The following SLC2A5 variants were observed in gnomAD, a reference collection of about 807,000 sequenced individuals.
SLC2A5 encodes the protein solute carrier family 2 member 5.
Under a neutral mutation model 50.3 loss-of-function variants are expected in SLC2A5, and 56 were observed. That is an observed-to-expected ratio of 1.11 (90% CI 0.90 to 1.39). The LOEUF is 1.39. SLC2A5 is among the 40% of genes most tolerant of loss of function. The pLI, the probability that SLC2A5 is intolerant of heterozygous loss-of-function variation, is 0.00. For missense variants in SLC2A5, 566 were observed against 650.1 expected, an observed-to-expected ratio of 0.87 and a Z score of 1.41; for synonymous variants, 269 against 281.9, an observed-to-expected ratio of 0.95 and a Z score of 0.46.
intron 2 of SLC2A5, among the ~76,000 whole-genome samples, chr1:9,079,628 G>C (rs1227638402): frequency 6.6e-6 from 1 of 152,156 alleles, no homozygotes; most frequent in Admixed American, 6.5e-5. Flanking sequence ...TGGGATTACA[G>C]ACGTGAGCCA....
Position 9,040,160 on chromosome 1 carries a change from C to T in SLC2A5, c.601G>A (p.Val201Ile), listed in dbSNP as rs1213559566. 2 of 1,556,090 alleles carry T rather than the reference C, an allele frequency of 1.3e-6. No homozygotes were observed. The highest frequency in any genetic ancestry group is 2.4e-5 in the South Asian group (2 of 84,844). The change falls in exon 6 of 12, where the codon GTC (valine) becomes ATC (isoleucine). Residue 201 changes from valine (V) to isoleucine (I), a missense_variant. Val to Ile is a conservative substitution (Grantham distance 29). Coordinates refer to ENST00000377424, the MANE Select transcript of SLC2A5 (RefSeq NM_003039.3). This position sits in a 1 kb window ranked among gnomAD's most constrained non-coding sequence, Gnocchi z 4.3. Reference protein sequence around the residue: ...GWPILLGLTGVPAALQLLLLP... With the variant: ...GWPILLGLTGIPAALQLLLLP... ...AGAAGGAGCTGCAGCGCCGCGGGGA[C>T]CCCGGTCAGCCCCAGCAGGATCGGC...
At position 9,040,098 on chromosome 1, in the gene SLC2A5, C is replaced by G; in HGVS notation, c.663G>C (p.Leu221=). Residue 221 remains leucine, a synonymous_variant, in exon 6 of 12, where the codon CTG becomes CTC. Coordinates refer to ENST00000377424, the MANE Select transcript of SLC2A5 (RefSeq NM_003039.3). The surrounding 1 kb of genome is among the most constrained non-coding windows in gnomAD (Gnocchi z 4.3). The stretch of plus-strand genomic sequence containing the variant: ...CGGCCGCTTCGTCTTTCTTCTGAAT[C>G]AGCAGGTACCTGGGGCTCTCGGGGA... ...PFFPESPRYL[L]IQKKDEAAAK... 1 of 1,597,442 alleles carries G rather than the reference C, an allele frequency of 6.3e-7. No individual in the cohort carries two copies. The highest frequency in any genetic ancestry group is 2.2e-5 in the East Asian group (1 of 44,468).
At chr1:9,065,369 C>A (rs1642053961) in intron 1 of SLC2A5, among the ~76,000 whole-genome samples, 1 of 152,156 alleles carries the variant, frequency 6.6e-6, no homozygotes, top group Non-Finnish European at 1.5e-5. Context: ...AAACCATCTC[C>A]CTTAGAAATC....
At chr1:9,070,919 T>C (rs1408129605), upstream of SLC2A5, among the ~76,000 whole-genome samples, 1 of 151,704 alleles carries the variant, frequency 6.6e-6, no homozygotes, top group Non-Finnish European at 1.5e-5. Context: ...AGCTACTGCC[T>C]GTCTTTTTCT....
intron 3 of SLC2A5, 139 bp from the exon 4 acceptor site, chr1:9,047,873 G>GTATCAGTCTCAGGTCCC: frequency 1.2e-6 from 1 of 855,296 alleles, no homozygotes; most frequent in Non-Finnish European, 1.8e-6. Flanking sequence ...TCTGGGACCT[G>GTATCAGTCTCAGGTCCC]AGACTGATAC....
chr1:9,053,050 A>AATATATAATATATATTT (rs1641618656), intron 3 of SLC2A5, among the ~76,000 whole-genome samples: 1 of 98,800 alleles, frequency 1.0e-5, no homozygotes, highest in African/African-American at 4.3e-5. Context: ...ATTATATATT[A>AATATATAATATATATTT]ATATATAATA....
chr1:9,060,666 C>G (rs1188360746), intron 1 of SLC2A5, among the ~76,000 whole-genome samples: 1 of 139,944 alleles, frequency 7.1e-6, no homozygotes, highest in African/African-American at 2.6e-5. Context: ...CACACACACA[C>G]CCCACACACA....
rs758589398 is a variant in SLC2A5, at chr1:9,057,457, T to G, written c.284A>C (p.Lys95Thr). 2 of 1,608,566 alleles carry G rather than the reference T, an allele frequency of 1.2e-6. No homozygotes were observed. Among genetic ancestry groups the G allele is most frequent in the African/African-American group, 1.3e-5 (1 of 74,610 alleles). ...GSLLVGPLVN[K>T]FGRKGALLFN... is the part of the protein sequence containing the mutation. ...ATTCACCTTCCCTTACCTGCCAAAT[T>G]TATTCACCAAGGGGCCGACCAGGAG... Residue 95 changes from lysine to threonine, a missense_variant, in exon 3 of 12, where the codon AAA becomes ACA. Physicochemically the swap from Lys to Thr is moderately conservative, Grantham distance 78. Transcript: ENST00000377424.
At position 9,045,989 on chromosome 1, in the gene SLC2A5, CTGTT is replaced by C. The variant is rs377124637; in HGVS notation, c.418+1617_418+1620del. 1.1e-3 allele frequency among the ~76,000 whole-genome samples: 169 copies of C among 152,060 alleles called. 1 individual carries two copies. Among genetic ancestry groups the C allele is most frequent in the African/African-American group, 4.0e-3 (166 of 41,496 alleles). ...TCCTCCCTTTGGCATGACTTAGTCT[CTGTT>C]TGGGAAATGTCTTCTCATCTTTTTT... On this transcript the variant is annotated intron_variant, in intron 4 of 11. Transcript: ENST00000377424.
At chr1:9,060,962 G>A (rs1331975455) in intron 1 of SLC2A5, among the ~76,000 whole-genome samples, 1 of 151,510 alleles carries the variant, frequency 6.6e-6, no homozygotes, top group African/African-American at 2.4e-5. Flanking sequence ...GAGGGGTGGG[G>A]GTGAGGGGAA....
At chr1:9,041,135 C>T (rs1251493034) in intron 5 of SLC2A5, 7 of 358,606 alleles carry the variant, frequency 2.0e-5, no homozygotes, top group Non-Finnish European at 3.5e-5. Context: ...GACTGACTTG[C>T]AGACGGTGTG....
chr1:9,053,071 AT>A (rs1262967536), intron 3 of SLC2A5, among the ~76,000 whole-genome samples: 184 of 110,572 alleles, frequency 1.7e-3, no homozygotes, highest in African/African-American at 2.6e-3. Context: ...TATATTATAT[AT>A]TTATATATTA....
intron 3 of SLC2A5, among the ~76,000 whole-genome samples, chr1:9,055,482 A>C (rs910802849): frequency 2.6e-5 from 4 of 151,964 alleles, no homozygotes; most frequent in Non-Finnish European, 5.9e-5. Flanking sequence ...ACACCATTGC[A>C]CTCCAGCCTG....
chr1:9,070,200 C>T (rs566971743), upstream of SLC2A5, among the ~76,000 whole-genome samples: 3 of 150,952 alleles, frequency 2.0e-5, no homozygotes, highest in East Asian at 2.0e-4. Context: ...CCTGCTTCCA[C>T]CTCCTGAGTA....
chr1:9,090,993 G>A (rs1642457026), upstream of SLC2A5, among the ~76,000 whole-genome samples: 1 of 152,112 alleles, frequency 6.6e-6, no homozygotes, highest in African/African-American at 2.4e-5. Context: ...TTCATACCTA[G>A]GATTAATCAT....
At chr1:9,090,320 G>A (rs1642449764), upstream of SLC2A5, among the ~76,000 whole-genome samples, 1 of 152,134 alleles carries the variant, frequency 6.6e-6, no homozygotes, top group African/African-American at 2.4e-5. Context: ...CTGCATAATA[G>A]CTACCCACCA....
chr1:9,050,540 A>G (rs1354449975), intron 3 of SLC2A5, among the ~76,000 whole-genome samples: 1 of 152,134 alleles, frequency 6.6e-6, no homozygotes, highest in African/African-American at 2.4e-5. Context: ...CTAGACACAA[A>G]CCTTAGAATT....
At chr1:9,039,471 C>T in intron 8 of SLC2A5, 81 bp downstream of exon 8, 4 of 1,044,882 alleles carry the variant, frequency 3.8e-6, no homozygotes, top group South Asian at 3.2e-5. Flanking sequence ...CCACGGGCTG[C>T]CCTTTTGGCG....
Position 9,081,278 on chromosome 1 carries a change from AAC to A in SLC2A5, c.-59+3734_-59+3735del, listed in dbSNP as rs1557685765. Among the ~76,000 whole-genome samples, 488 of 100,506 alleles carry A rather than the reference AAC, an allele frequency of 4.9e-3. 16 individuals are homozygous for A. Among genetic ancestry groups the A allele is most frequent in the African/African-American group, 0.019 (458 of 24,088 alleles). 65.9% of individuals were successfully genotyped at this position (100,506 alleles called of 152,430 possible). ...TTGTTTCAGAAAAAAAAAAAAAAAA[AAC>A]CCCAAAAAAAAAAAACACGACCAAA... On this transcript the variant is annotated intron_variant, in intron 2 of 5. Transcript: ENST00000464985.
Sources: gnomAD v4.1 joint callset for allele counts (sites outside exome capture counted in the v4.1 genomes callset) on GRCh38, gnomAD v4.1.1 for gene constraint, Gnocchi (gnomAD v3.1) non-coding constraint, MANE v1.5 for transcripts, NCBI Gene and HGNC (gene_info 2026-07-23, HGNC 2026-07-21) for gene names.